Variants in DNMT1 observed in about 807,000 individuals in gnomAD.
The protein encoded by DNMT1 is DNA methyltransferase 1.
In DNMT1, 24 loss-of-function variants were observed where a neutral mutation model predicts 205.3. The ratio of observed to expected loss-of-function variants is 0.12; its 90% CI spans 0.08 to 0.16. DNMT1 has a LOEUF of 0.16. Among genes scored for constraint, DNMT1 ranks in the 10% least tolerant of loss-of-function variants. DNMT1 has a pLI of 1.00. For missense variants in DNMT1, 1,293 were observed against 2,177.7 expected, an observed-to-expected ratio of 0.59 and a Z score of 8.09; for synonymous variants, 817 against 839.8, an observed-to-expected ratio of 0.97 and a Z score of 0.47.
chr19:10,168,535 G>GA (rs1480473973), intron 9 of DNMT1, among the ~76,000 whole-genome samples, 171 bp from the exon 10 acceptor site: 3 of 152,306 alleles, frequency 2.0e-5, no homozygotes, highest in Middle Eastern at 3.4e-3. Flanking sequence ...CAGAACTTTG[G>GA]AAGGCTGAGG....
intron 10 of DNMT1, 102 bp downstream of exon 10, chr19:10,168,228 A>G (rs1599381701): frequency 7.4e-7 from 1 of 1,352,140 alleles, no homozygotes; most frequent in East Asian, 2.3e-5. Flanking sequence ...GAGACATATG[A>G]TTAGTGCCCA....
rs1568231347 is a variant in DNMT1, at chr19:10,149,972, A to C, written c.2266-4T>G. On this transcript the variant is annotated splice_polypyrimidine_tract_variant and splice_region_variant and intron_variant, in intron 24 of 40. Transcript: ENST00000359526. ...AGTAACTCTTCTTCCCATCAGTCTG[A>C]AAATGAGAGCATAAGTTCATGGAGG... is the stretch of plus-strand genomic sequence containing the variant. 1 of 1,613,340 alleles carries C rather than the reference A, an allele frequency of 6.2e-7. No individual in the cohort carries two copies. The highest frequency in any genetic ancestry group is 8.5e-7 in the Non-Finnish European group (1 of 1,179,238).
At chr19:10,174,831 C>T (rs1336245637) in intron 7 of DNMT1, among the ~76,000 whole-genome samples, 2 of 151,344 alleles carry the variant, frequency 1.3e-5, no homozygotes, top group South Asian at 2.1e-4. Context: ...TCAAGGAGTT[C>T]GAGACCAGCC....
chr19:10,160,001 TC>T lies in DNMT1; in HGVS notation c.1089+16del. On this transcript the variant is annotated intron_variant, in intron 15 of 40. Coordinates refer to ENST00000359526, the MANE Select transcript of DNMT1 (RefSeq NM_001130823.3). ...TCGTGAGCGCCGCCACCGGCTTTAT[TC>T]CCGGCAGATGTTTACCTTGGAGTTC... is the stretch of plus-strand genomic sequence containing the variant. 1 of 1,614,230 alleles carries T rather than the reference TC, an allele frequency of 6.2e-7. No homozygotes were observed. Among genetic ancestry groups the T allele is most frequent in the Non-Finnish European group, 8.5e-7 (1 of 1,180,044 alleles).
At position 10,163,380 on chromosome 19, in the gene DNMT1, G is replaced by A; in HGVS notation, c.892-20C>T. On this transcript the variant is annotated intron_variant, in intron 11 of 40. Transcript: ENST00000359526. ...CTCATCCTGACAGAAAAATAAGGGG[G>A]AGGTAGAGAGATAAAGAAGGGAAAA... The A allele has an allele frequency of 6.2e-7, 1 of 1,613,248 alleles. No homozygotes were observed. Among genetic ancestry groups the A allele is most frequent in the Non-Finnish European group, 8.5e-7 (1 of 1,179,376 alleles).
intron 22 of DNMT1, among the ~76,000 whole-genome samples, chr19:10,153,529 C>T (rs929066750): frequency 4.0e-5 from 6 of 150,972 alleles, no homozygotes; most frequent in Non-Finnish European, 7.4e-5. Context: ...CCCAGCCACT[C>T]GGGAGGCTGA....
At chr19:10,163,921 G>T (rs564952166) in intron 11 of DNMT1, among the ~76,000 whole-genome samples, 7 of 152,044 alleles carry the variant, frequency 4.6e-5, no homozygotes, top group African/African-American at 1.7e-4. Context: ...TGGTCAGCTC[G>T]GGGGGCCCTG....
In DNMT1 at chr19:10,138,636, G is replaced by T; in HGVS notation, c.3949-31C>A. ...GGGGAGAAGGACGGACAACCCCACC[G>T]TCAGTGGGACACTCCCAACTGGACT... On this transcript the variant is annotated intron_variant, in intron 34 of 40. Transcript: ENST00000359526. The surrounding 1 kb of genome is among the most constrained non-coding windows in gnomAD (Gnocchi z 4.1). The T allele has an allele frequency of 6.3e-7, 1 of 1,592,678 alleles. No homozygotes were observed. The highest frequency in any genetic ancestry group is 2.2e-5 in the East Asian group (1 of 44,622).
chr19:10,141,409 T>TATTACA, intron 30 of DNMT1: 2 of 564,466 alleles, frequency 3.5e-6, no homozygotes. Flanking sequence ...CTGAAATGCC[T>TATTACA]ATTACAAGCA....
At chr19:10,155,674 C>G (rs772822615) in intron 19 of DNMT1, among the ~76,000 whole-genome samples, 179 bp downstream of exon 19, 6 of 151,928 alleles carry the variant, frequency 3.9e-5, no homozygotes, top group African/African-American at 9.7e-5. Context: ...AGAGTCAGTT[C>G]CAGAGCCAGT....
intron 13 of DNMT1, 115 bp from the exon 14 acceptor site, chr19:10,160,533 G>T: frequency 8.6e-7 from 1 of 1,166,228 alleles, no homozygotes. Flanking sequence ...GAGAAGGGGA[G>T]GGAGGCAGTG....
intron 9 of DNMT1, among the ~76,000 whole-genome samples, chr19:10,170,974 A>AT (rs1489078336): frequency 6.6e-6 from 1 of 151,968 alleles, no homozygotes; most frequent in African/African-American, 2.4e-5. Flanking sequence ...CATCCAGCTG[A>AT]TTTTTGTATT....
intron 8 of DNMT1, 30 bp downstream of exon 8, chr19:10,173,841 C>T (rs754987707): frequency 1.9e-6 from 3 of 1,612,762 alleles, no homozygotes; most frequent in Non-Finnish European, 2.5e-6. Context: ...ACTCGTAGAA[C>T]AAAAAGAAAG....
chr19:10,165,179 G>A (rs1172794488), intron 11 of DNMT1, among the ~76,000 whole-genome samples: 3 of 152,056 alleles, frequency 2.0e-5, no homozygotes, highest in Non-Finnish European at 4.4e-5. Context: ...GCTGAGGCGG[G>A]AAGATCACCT....
rs567975388 is a variant in DNMT1 at position 10,146,885 on chromosome 19, A to G, written c.2721-361T>C. ...GAGACTCCTACTGTTCTCTCCATAAAGGCTCAACAGGTATTTGAGGAAATT... is the reference window on the plus strand; with the variant it reads ...GAGACTCCTACTGTTCTCTCCATAAGGGCTCAACAGGTATTTGAGGAAATT... On this transcript the variant is annotated intron_variant, in intron 27 of 40. Transcript: ENST00000359526. The surrounding 1 kb of genome is among the most constrained non-coding windows in gnomAD (Gnocchi z 4.4). Among the ~76,000 whole-genome samples, 1 of 152,328 alleles carries G rather than the reference A, an allele frequency of 6.6e-6. No homozygotes were observed. The highest frequency in any genetic ancestry group is 2.4e-5 in the African/African-American group (1 of 41,570).
At chr19:10,182,359 ATGTG>A (rs773517084) in intron 1 of DNMT1, among the ~76,000 whole-genome samples, 3 of 148,764 alleles carry the variant, frequency 2.0e-5, no homozygotes, top group African/African-American at 5.0e-5. Context: ...AATTATGTGT[ATGTG>A]TGTGTGTGTG....
chr19:10,173,347 G>A lies in DNMT1; in HGVS notation c.684-173C>T, dbSNP rs772147317. 7.2e-5 allele frequency among the ~76,000 whole-genome samples: 11 copies of A among 152,224 alleles called. No homozygotes were observed. The East Asian group carries it at 1.9e-3, about 27-fold the overall frequency. On this transcript the variant is annotated intron_variant, in intron 8 of 40. Transcript: ENST00000359526. ...TTGATATGACTTTTACACCTGGTTC[G>A]AATGCCAGCTGCCCTCGATTCATTC...
chr19:10,167,270 A>C, intron 10 of DNMT1, among the ~76,000 whole-genome samples: 1 of 150,228 alleles, frequency 6.7e-6, no homozygotes. Context: ...ATCTCAGCTC[A>C]CTGCAACCAC....
At chr19:10,182,169 C>G in intron 1 of DNMT1, 92 bp from the exon 2 acceptor site, 1 of 1,369,340 alleles carries the variant, frequency 7.3e-7, no homozygotes, top group Non-Finnish European at 1.0e-6. Flanking sequence ...AAGTTTTGGA[C>G]ACAAACAAGT....
Sources: allele counts gnomAD v4.1 joint callset (sites outside exome capture counted in the v4.1 genomes callset), GRCh38; gene constraint gnomAD v4.1.1; non-coding constraint Gnocchi (gnomAD v3.1); transcripts MANE v1.5; gene names NCBI Gene and HGNC (gene_info 2026-07-23, HGNC 2026-07-21).